Variants in ENPEP observed in about 807,000 individuals in gnomAD.
ENPEP encodes AP-A.
A neutral mutation model predicts 114.5 loss-of-function variants in ENPEP; 103 were observed. The ratio of observed to expected loss-of-function variants is 0.90; its 90% CI spans 0.77 to 1.06. The LOEUF (loss-of-function observed/expected upper bound fraction) is 1.06. Ranked by LOEUF, ENPEP falls within the 50% of genes least tolerant of loss-of-function variation. The probability of loss-of-function intolerance (pLI) is 0.00; values close to 1 mark genes in which losing one functional copy is unlikely to be tolerated. For missense variants in ENPEP, 1,196 were observed against 1,161.3 expected, an observed-to-expected ratio of 1.03 and a Z score of -0.43; for synonymous variants, 420 against 422.0, an observed-to-expected ratio of 1.00 and a Z score of 0.06.
intron 4 of ENPEP, among the ~76,000 whole-genome samples, chr4:110,508,759 C>T (rs1369644303): frequency 4.6e-5 from 7 of 152,002 alleles, no homozygotes; most frequent in Non-Finnish European, 1.0e-4. Context: ...TGCAGTGAGC[C>T]GAGATCGCAC....
chr4:110,554,268 A>G (rs972317497), intron 18 of ENPEP, among the ~76,000 whole-genome samples: 2 of 152,016 alleles, frequency 1.3e-5, no homozygotes, highest in Admixed American at 6.6e-5. Context: ...ATCCAGCGGC[A>G]CTGTCTCATT....
At chr4:110,484,451 G>A (rs1724426749) in intron 1 of ENPEP, among the ~76,000 whole-genome samples, 1 of 151,970 alleles carries the variant, frequency 6.6e-6, no homozygotes, top group Admixed American at 6.6e-5. Flanking sequence ...ACATTATATA[G>A]CTCTTCGGGT....
At chr4:110,483,289 T>C (rs977377703) in intron 1 of ENPEP, among the ~76,000 whole-genome samples, 7 of 152,170 alleles carry the variant, frequency 4.6e-5, no homozygotes, top group Non-Finnish European at 7.3e-5. Flanking sequence ...TTAGTCTATA[T>C]AGACCCCTAG....
chr4:110,510,143 A>G (rs1414926762), intron 5 of ENPEP, 102 bp from the exon 6 acceptor site: 1 of 928,752 alleles, frequency 1.1e-6, no homozygotes, highest in Non-Finnish European at 1.7e-6. Flanking sequence ...CTTCTGTCAC[A>G]GTGACAACAT....
chr4:110,551,624 T>C (rs1321263812), intron 17 of ENPEP, among the ~76,000 whole-genome samples: 2 of 152,178 alleles, frequency 1.3e-5, no homozygotes, highest in South Asian at 2.1e-4. Context: ...AAAGAAAATG[T>C]AGGACCTTGA....
chr4:110,539,476 T>C (rs985573322), intron 11 of ENPEP, among the ~76,000 whole-genome samples: 6 of 152,250 alleles, frequency 3.9e-5, no homozygotes, highest in African/African-American at 1.4e-4. Flanking sequence ...TAATGCATTC[T>C]ACTTGAAACT....
rs774452016 is a variant in ENPEP at position 110,506,661 on chromosome 4, CA to C, written c.947del (p.Lys316SerfsTer10). On this transcript the variant is annotated frameshift_variant, in exon 4 of 20. Transcript: ENST00000265162. LOFTEE classifies it high-confidence loss of function. ...KPLTIYVQPE[Q>X]KHTAEYAANI... ...GCTTACAATTTATGTCCAGCCAGAGCAAAAGCACACAGCCGAATATGCTGCA... is the reference window on the plus strand; with the variant it reads ...GCTTACAATTTATGTCCAGCCAGAGCAAAGCACACAGCCGAATATGCTGCA... 1.1e-5 allele frequency: 18 copies of C among 1,608,678 alleles called. No individual in the cohort carries two copies.
In ENPEP at chr4:110,564,053, T is replaced by C. The variant is rs1727756749; in HGVS notation, c.*2495T>C. On this transcript the variant is annotated 3_prime_UTR_variant, in exon 20 of 20. Coordinates refer to ENST00000265162, the MANE Select transcript of ENPEP (RefSeq NM_001977.4). ...GAAAAGAGGGGATTCAAATTACCAG[T>C]GGTGCTTTCTAAAACACGGTTAGGT... is the stretch of plus-strand genomic sequence containing the variant. 6.6e-6 allele frequency: 1 copy of C among 151,958 alleles called. No individual in the cohort carries two copies. The highest frequency in any genetic ancestry group is 1.5e-5 in the Non-Finnish European group (1 of 68,006). 9.4% of individuals were successfully genotyped at this position (151,958 alleles called of 1,614,324 possible).
At chr4:110,507,900 A>G (rs771334202) in intron 4 of ENPEP, among the ~76,000 whole-genome samples, 2 of 152,192 alleles carry the variant, frequency 1.3e-5, no homozygotes, top group Non-Finnish European at 2.9e-5. Flanking sequence ...ACTTGAGCCC[A>G]GGAGGTTGAG....
At chr4:110,543,663 A>G (rs1402622775) in intron 13 of ENPEP, among the ~76,000 whole-genome samples, 1 of 151,750 alleles carries the variant, frequency 6.6e-6, no homozygotes, top group African/African-American at 2.4e-5. Context: ...TTTTTAATTC[A>G]CATAGTCTAA....
Position 110,490,866 on chromosome 4 carries a change from A to T in ENPEP, c.787-167A>T, listed in dbSNP as rs142468530. Among the ~76,000 whole-genome samples the T allele has an allele frequency of 6.2e-4, 95 of 152,280 alleles. 2 individuals carry two copies. The East Asian group carries it at 0.016, about 25-fold the overall frequency. On this transcript the variant is annotated intron_variant, in intron 2 of 19. Coordinates refer to ENST00000265162, the MANE Select transcript of ENPEP (RefSeq NM_001977.4). ...CTTTAACAGTTCTAAAAACAAAGTAAATTTTCCTGTAGTCTTTTCAACATC... is the reference window on the plus strand; with the variant it reads ...CTTTAACAGTTCTAAAAACAAAGTATATTTTCCTGTAGTCTTTTCAACATC...
chr4:110,548,788 GC>G (rs1727174855), intron 14 of ENPEP, among the ~76,000 whole-genome samples: 1 of 152,054 alleles, frequency 6.6e-6, no homozygotes, highest in African/African-American at 2.4e-5. Context: ...GATTTCTGTA[GC>G]ACGTAAGTAG....
chr4:110,535,450 C>T (rs1164435717), intron 11 of ENPEP, among the ~76,000 whole-genome samples: 2 of 152,126 alleles, frequency 1.3e-5, no homozygotes, highest in Non-Finnish European at 2.9e-5. Context: ...AGCTAAGCCT[C>T]ATGGAATGTG....
chr4:110,476,657 T>C lies in ENPEP; in HGVS notation c.243T>C (p.Ser81=). Residue 81 remains serine, a synonymous_variant, in exon 1 of 20, where the codon AGT becomes AGC. Coordinates refer to ENST00000265162, the MANE Select transcript of ENPEP (RefSeq NM_001977.4). The part of the protein sequence containing the change: ...PAQDQDICPA[S]EDESGQWKNF... ...AGGACCAGGACATCTGCCCGGCCAG[T>C]GAGGATGAGAGCGGACAGTGGAAAA... The C allele has an allele frequency of 6.2e-7, 1 of 1,613,966 alleles. No homozygotes were observed. Among genetic ancestry groups the C allele is most frequent in the Non-Finnish European group, 8.5e-7 (1 of 1,180,026 alleles).
Position 110,506,632 on chromosome 4 carries a change from A to C in ENPEP, c.919-5A>C. On this transcript the variant is annotated splice_region_variant and splice_polypyrimidine_tract_variant and intron_variant, in intron 3 of 19. Transcript: ENST00000265162. ...TCACTGAATTTTTTGTGTTTTGTTT[A>C]ATAGCTTACAATTTATGTCCAGCCA... The C allele has an allele frequency of 6.3e-7, 1 of 1,594,144 alleles. No homozygotes were observed. The highest frequency in any genetic ancestry group is 8.5e-7 in the Non-Finnish European group (1 of 1,172,814).
At chr4:110,553,659 T>G in intron 18 of ENPEP, 1 of 414,796 alleles carries the variant, frequency 2.4e-6, no homozygotes, top group Non-Finnish European at 4.2e-6. Context: ...AATTATTGTT[T>G]CAACTGACCT....
At chr4:110,553,250 G>A (rs1727353714) in intron 17 of ENPEP, 65 bp from the exon 18 acceptor site, 2 of 1,396,708 alleles carry the variant, frequency 1.4e-6, no homozygotes, top group African/African-American at 2.9e-5. Context: ...TTTTGTATTG[G>A]AATTTAGCTA....
chr4:110,512,201 G>A (rs1007444630), intron 6 of ENPEP, among the ~76,000 whole-genome samples: 6 of 152,142 alleles, frequency 3.9e-5, no homozygotes, highest in African/African-American at 7.2e-5. Context: ...TTTTATAAGC[G>A]AGCTCAATAA....
chr4:110,562,296 T>A lies in ENPEP; in HGVS notation c.*738T>A, dbSNP rs1727706936. ...TAATTTAACACATTGCAAATATGAT[T>A]CAAGAATCTGGCCTTTTTCATGCTT... On this transcript the variant is annotated 3_prime_UTR_variant, in exon 20 of 20. Coordinates refer to ENST00000265162, the MANE Select transcript of ENPEP (RefSeq NM_001977.4). The A allele has an allele frequency of 6.6e-6, 1 of 152,178 alleles. No homozygotes were observed. Among genetic ancestry groups the A allele is most frequent in the South Asian group, 2.1e-4 (1 of 4,832 alleles). The allele number at this position is 152,178 out of a possible 1,614,324, so 9.4% of individuals were successfully genotyped here. A position where few individuals can be genotyped will look rare whatever the true frequency, so the allele number is the denominator to read the frequency against.
Sources: gnomAD v4.1 joint callset for allele counts (sites outside exome capture counted in the v4.1 genomes callset) on GRCh38, gnomAD v4.1.1 for gene constraint, MANE v1.5 for transcripts, NCBI Gene and HGNC (gene_info 2026-07-23, HGNC 2026-07-21) for gene names.